Variants in ZMIZ1 observed in about 807,000 individuals in gnomAD.
ZMIZ1 encodes the protein zinc finger MIZ domain-containing protein 1.
In ZMIZ1, 17 loss-of-function variants were observed where a neutral mutation model predicts 113.9. The observed-to-expected ratio is 0.15, with a 90% CI of 0.10 to 0.22. The LOEUF (loss-of-function observed/expected upper bound fraction) is 0.22. ZMIZ1 is among the 10% of genes least tolerant of loss of function. ZMIZ1 has a pLI of 1.00. For missense variants in ZMIZ1, 1,059 were observed against 1,477.8 expected, an observed-to-expected ratio of 0.72 and a Z score of 4.65; for synonymous variants, 607 against 603.1, an observed-to-expected ratio of 1.01 and a Z score of -0.09.
intron 7 of ZMIZ1, among the ~76,000 whole-genome samples, chr10:79,230,746 C>T (rs1415995488): frequency 1.3e-5 from 2 of 152,206 alleles, no homozygotes; most frequent in Non-Finnish European, 2.9e-5. Flanking sequence ...CTTGATTGTC[C>T]GCCCGTGTGG....
intron 2 of ZMIZ1, among the ~76,000 whole-genome samples, chr10:79,136,290 G>A (rs1423817001): frequency 1.3e-5 from 2 of 152,236 alleles, no homozygotes; most frequent in Non-Finnish European, 2.9e-5. Flanking sequence ...TCTCCTTGGG[G>A]CAGGCCCAGC....
At chr10:79,132,355 C>T (rs923482209) in intron 2 of ZMIZ1, among the ~76,000 whole-genome samples, 6 of 152,102 alleles carry the variant, frequency 3.9e-5, no homozygotes, top group Non-Finnish European at 4.4e-5. Flanking sequence ...CCAGCCTTTT[C>T]GGCCGGGCTT....
intron 7 of ZMIZ1, among the ~76,000 whole-genome samples, chr10:79,262,767 C>G (rs1020432324): frequency 6.6e-6 from 1 of 152,158 alleles, no homozygotes; most frequent in African/African-American, 2.4e-5. Context: ...GCACAGGGAC[C>G]CCTGCAGCTG....
At chr10:79,117,403 G>C (rs1327413948) in intron 1 of ZMIZ1, among the ~76,000 whole-genome samples, 1 of 152,162 alleles carries the variant, frequency 6.6e-6, no homozygotes, top group African/African-American at 2.4e-5. Context: ...GTCGTGCCTG[G>C]CTTTTTGAGT....
chr10:79,313,079 C>T lies in ZMIZ1; in HGVS notation c.*330C>T, dbSNP rs1215101835. On this transcript the variant is annotated 3_prime_UTR_variant, in exon 25 of 25. Coordinates refer to ENST00000334512, the MANE Select transcript of ZMIZ1 (RefSeq NM_020338.4). ...ACGCTGATGCGGCTTCCCGGTCCCT[C>T]CGCGTGTGCCGATTCCAGATGACCT... 6.4e-6 allele frequency: 2 copies of T among 311,130 alleles called. No individual in the cohort carries two copies. Among genetic ancestry groups the T allele is most frequent in the Non-Finnish European group, 6.0e-6 (1 of 165,292 alleles). 19.3% of individuals were successfully genotyped at this position (311,130 alleles called of 1,614,324 possible). A position where few individuals can be genotyped will look rare whatever the true frequency, so the allele number is the denominator to read the frequency against.
intron 1 of ZMIZ1, among the ~76,000 whole-genome samples, chr10:79,089,067 G>A (rs1164806611): frequency 3.3e-5 from 5 of 152,214 alleles, no homozygotes; most frequent in African/African-American, 9.7e-5. Context: ...TTGTACAAAC[G>A]AGTATCCTGT....
At chr10:79,070,102 G>A (rs1842208675) in intron 1 of ZMIZ1, among the ~76,000 whole-genome samples, 1 of 141,924 alleles carries the variant, frequency 7.0e-6, no homozygotes, top group East Asian at 2.2e-4. Flanking sequence ...GGAGTGGGAG[G>A]CCAGCCGGGG....
In ZMIZ1 at chr10:79,277,283, C is replaced by G; in HGVS notation, c.383C>G (p.Pro128Arg). 1 of 1,602,080 alleles carries G rather than the reference C, an allele frequency of 6.2e-7. No individual in the cohort carries two copies. The highest frequency in any genetic ancestry group is 1.1e-5 in the South Asian group (1 of 89,348). Residue 128 changes from proline (P) to arginine (R), a missense_variant, in exon 8 of 25, where the codon CCT becomes CGT. Physicochemically the swap from Pro to Arg is moderately radical, Grantham distance 103 (BLOSUM62 -2). This residue lies in a region of ZMIZ1 where 272 missense variants were observed against 350.4 expected (regional missense o/e 0.78). Transcript: ENST00000334512. ...CCTGGGAAACTCCCCATGCAGCCCC[C>G]TCTCAGCTCCATGAGCTCCATGAAA... The part of the protein sequence containing the change: ...DPPGKLPMQP[P>R]LSSMSSMKPT...
chr10:79,250,230 C>T (rs938862594), intron 7 of ZMIZ1, among the ~76,000 whole-genome samples: 1 of 152,340 alleles, frequency 6.6e-6, no homozygotes, highest in Admixed American at 6.5e-5. Context: ...GCTCCACCAC[C>T]AGCCCCCTTC....
intron 7 of ZMIZ1, among the ~76,000 whole-genome samples, chr10:79,237,945 A>G (rs1466440344): frequency 6.6e-6 from 1 of 152,176 alleles, no homozygotes; most frequent in Admixed American, 6.5e-5. Flanking sequence ...TCAGCCTCCA[A>G]ATCCAGGCTC....
intron 3 of ZMIZ1, among the ~76,000 whole-genome samples, chr10:79,150,169 G>A (rs550029284): frequency 2.3e-4 from 35 of 152,294 alleles, no homozygotes; most frequent in East Asian, 1.9e-3. Context: ...GCCTGGCCCC[G>A]GGCCGCAGCC....
rs59980849 is a variant in ZMIZ1 at position 79,165,962 on chromosome 10, G to GCGCGCGCGCA, written c.-50+3829_-50+3830insCGCGCGCGCA. Among the ~76,000 whole-genome samples, 318 of 61,060 alleles carry GCGCGCGCGCA rather than the reference G, an allele frequency of 5.2e-3. 21 individuals carry two copies. The highest frequency in any genetic ancestry group is 0.013 in the African/African-American group (305 of 24,190). The allele number at this position is 61,060 out of a possible 152,430, so 40.1% of individuals were successfully genotyped here. On this transcript the variant is annotated intron_variant, in intron 4 of 24. Coordinates refer to ENST00000334512, the MANE Select transcript of ZMIZ1 (RefSeq NM_020338.4). ...CCCCAGCTCAGCTGTGTGTGTGTGT[G>GCGCGCGCGCA]TGTGTGTGTGTGTGTGTGTGTGTGT...
intron 3 of ZMIZ1, among the ~76,000 whole-genome samples, chr10:79,152,344 T>C (rs1335633520): frequency 6.6e-6 from 1 of 151,870 alleles, no homozygotes; most frequent in African/African-American, 2.4e-5. Context: ...ACAAAAAATA[T>C]AAAAAATTAG....
Position 79,302,179 on chromosome 10 carries a change from C to T in ZMIZ1, c.2092C>T (p.Arg698Cys). 6.2e-7 allele frequency: 1 copy of T among 1,613,884 alleles called. No homozygotes were observed. Among genetic ancestry groups the T allele is most frequent in the Non-Finnish European group, 8.5e-7 (1 of 1,180,024 alleles). ...TGTGCTGCAAGGACTCCTCAAGAAG[C>T]GCCTCCTGCCCGCAGAGCACTGTAT... ...RSVLQGLLKK[R>C]LLPAEHCITK... Residue 698 changes from arginine (R) to cysteine (C), a missense_variant, in exon 18 of 25, where the codon CGC becomes TGC. Around this residue, in one of 6 missense-constraint regions of ZMIZ1, gnomAD observed 217 missense variants for 426.9 expected, o/e 0.51. Coordinates refer to ENST00000334512, the MANE Select transcript of ZMIZ1 (RefSeq NM_020338.4).
chr10:79,296,724 G>T lies in ZMIZ1; in HGVS notation c.1413+71G>T, dbSNP rs945052560. 7.0e-7 allele frequency: 1 copy of T among 1,429,354 alleles called. No homozygotes were observed. The highest frequency in any genetic ancestry group is 1.5e-5 in the African/African-American group (1 of 68,760). 88.5% of individuals were successfully genotyped at this position (1,429,354 alleles called of 1,614,324 possible). ...ACCACCTCACTCCCCTAACTCCACC[G>T]GGATCACTCTGACCCTGCGTGTGTT... is the stretch of plus-strand genomic sequence containing the variant. On this transcript the variant is annotated intron_variant, in intron 13 of 24. Coordinates refer to ENST00000334512, the MANE Select transcript of ZMIZ1 (RefSeq NM_020338.4). This position sits in a 1 kb window ranked among gnomAD's most constrained non-coding sequence, Gnocchi z 4.1.
intron 1 of ZMIZ1, among the ~76,000 whole-genome samples, chr10:79,077,106 G>C (rs1267350930): frequency 1.3e-5 from 2 of 152,274 alleles, no homozygotes; most frequent in East Asian, 3.9e-4. Flanking sequence ...ACCTTTGTCA[G>C]CCTAGGTGAG....
intron 4 of ZMIZ1, among the ~76,000 whole-genome samples, chr10:79,197,637 C>CACACACACACACCCCT (rs1564713276): frequency 6.7e-6 from 1 of 149,394 alleles, no homozygotes; most frequent in Non-Finnish European, 1.5e-5. Flanking sequence ...CACACACACA[C>CACACACACACACCCCT]ACACACCTGT....
chr10:79,115,235 G>A (rs898065622), intron 1 of ZMIZ1, among the ~76,000 whole-genome samples: 1 of 152,184 alleles, frequency 6.6e-6, no homozygotes, highest in Non-Finnish European at 1.5e-5. Context: ...GTCTAGAGTT[G>A]CTTCTGATGT....
chr10:79,071,863 A>G (rs2132148041), intron 1 of ZMIZ1, among the ~76,000 whole-genome samples: 2 of 151,898 alleles, frequency 1.3e-5, no homozygotes, highest in South Asian at 4.2e-4. Flanking sequence ...TTTCCCCCAA[A>G]GGACAGAAGC....
Sources: gnomAD v4.1 joint callset for allele counts (sites outside exome capture counted in the v4.1 genomes callset) on GRCh38, gnomAD v4.1.1 for gene constraint, gnomAD v4.1.1 regional missense constraint, Gnocchi (gnomAD v3.1) non-coding constraint, MANE v1.5 for transcripts, NCBI Gene and HGNC (gene_info 2026-07-23, HGNC 2026-07-21) for gene names.